The following GNPTAB variants were observed in gnomAD, a reference collection of about 807,000 sequenced individuals.
GNPTAB encodes the protein N-acetylglucosamine-1-phosphotransferase subunits alpha/beta.
GNPTAB carries 92 observed loss-of-function variants against 136.6 expected under a neutral mutation model. The observed-to-expected ratio is 0.67, with a 90% confidence interval of 0.57 to 0.80. GNPTAB has a LOEUF of 0.80. Ranked by LOEUF, GNPTAB falls within the 30% of genes least tolerant of loss-of-function variation. The probability of loss-of-function intolerance (pLI) is 0.00; values close to 1 mark genes in which losing one functional copy is unlikely to be tolerated. For synonymous variants in GNPTAB, 512 were observed against 535.1 expected, an observed-to-expected ratio of 0.96 and a Z score of 0.60; for missense variants, 1,343 against 1,501.8, an observed-to-expected ratio of 0.89 and a Z score of 1.75.
At chr12:101,774,869 G>C (rs1953236757) in intron 7 of GNPTAB, among the ~76,000 whole-genome samples, 2 of 152,240 alleles carry the variant, frequency 1.3e-5, no homozygotes, top group Non-Finnish European at 2.9e-5. Context: ...GAGTGCAAAA[G>C]AGAAGGTATC....
At chr12:101,808,368 G>A (rs954555407) in intron 1 of GNPTAB, among the ~76,000 whole-genome samples, 25 of 144,440 alleles carry the variant, frequency 1.7e-4, no homozygotes, top group Admixed American at 3.5e-4. Context: ...AGACCAGCCC[G>A]GGCAATTAAA....
intron 5 of GNPTAB, among the ~76,000 whole-genome samples, chr12:101,784,580 TTTA>T (rs1347844726): frequency 3.3e-5 from 5 of 152,182 alleles, no homozygotes; most frequent in Non-Finnish European, 7.4e-5. Context: ...TGAGATGGAC[TTTA>T]CATAGACAGA....
chr12:101,774,918 T>C (rs1953237433), intron 7 of GNPTAB, among the ~76,000 whole-genome samples: 1 of 152,240 alleles, frequency 6.6e-6, no homozygotes, highest in South Asian at 2.1e-4. Context: ...AGATAAGCCT[T>C]AGTTAAAAAT....
In GNPTAB at chr12:101,761,897, C is replaced by T. The variant is rs531295496; in HGVS notation, c.2716-134G>A. On this transcript the variant is annotated intron_variant, in intron 13 of 20. Transcript: ENST00000299314. ...TAGGAGCAAATGAAATACATGTTAA[C>T]GGGTCACTTTAAGGATCTAAACTGG... 62 of 726,398 alleles carry T rather than the reference C, an allele frequency of 8.5e-5. No individual in the cohort carries two copies. The African/African-American group carries it at 8.7e-4, about 10-fold the overall frequency. 45.0% of individuals were successfully genotyped at this position (726,398 alleles called of 1,614,324 possible). A position where few individuals can be genotyped will look rare whatever the true frequency, so the allele number is the denominator to read the frequency against.
rs762129410 is a variant in GNPTAB, at chr12:101,765,138, G to C, written c.1779C>G (p.Asn593Lys). Residue 593 changes from asparagine to lysine, a missense_variant, in exon 13 of 21, where the codon AAC becomes AAG. Physicochemically the swap from Asn to Lys is moderately conservative, Grantham distance 94 (BLOSUM62 0). Transcript: ENST00000299314. ...TTATGAGGTGGATGGTTTTCCACTT[G>C]TTGGCAATAGAAGCATGTCGAATTA... ...NPIIRHASIA[N>K]KWKTIHLIMH... 2 of 1,614,024 alleles carry C rather than the reference G, an allele frequency of 1.2e-6. No individual in the cohort carries two copies. Among genetic ancestry groups the C allele is most frequent in the East Asian group, 2.2e-5 (1 of 44,898 alleles).
At chr12:101,759,645 GGAGT>G (rs1325929075) in intron 16 of GNPTAB, among the ~76,000 whole-genome samples, 2 of 152,098 alleles carry the variant, frequency 1.3e-5, no homozygotes, top group African/African-American at 4.8e-5. Flanking sequence ...CTGGTAAAAT[GGAGT>G]AAGTGCCAGC....
chr12:101,749,747 T>C (rs1952788202), intron 19 of GNPTAB, among the ~76,000 whole-genome samples: 2 of 151,940 alleles, frequency 1.3e-5, no homozygotes, highest in Admixed American at 1.3e-4. Flanking sequence ...AGCATATGGA[T>C]GAGAAAGAGA....
chr12:101,748,359 T>C (rs576257869), intron 20 of GNPTAB, among the ~76,000 whole-genome samples: 2 of 152,346 alleles, frequency 1.3e-5, no homozygotes, highest in South Asian at 4.1e-4. Context: ...CTCCACTCAA[T>C]AGTCACCTTG....
At chr12:101,825,984 A>G (rs537643781) in intron 1 of GNPTAB, among the ~76,000 whole-genome samples, 1 of 152,330 alleles carries the variant, frequency 6.6e-6, no homozygotes, top group Non-Finnish European at 1.5e-5. Context: ...TTTCTAACTC[A>G]TCTGTTTGTT....
At chr12:101,829,885 A>G (rs1171459400) in intron 1 of GNPTAB, among the ~76,000 whole-genome samples, 1 of 152,022 alleles carries the variant, frequency 6.6e-6, no homozygotes, top group Admixed American at 6.6e-5. Flanking sequence ...GTATTTACAG[A>G]CAGCACCTTC....
intron 19 of GNPTAB, among the ~76,000 whole-genome samples, chr12:101,749,819 T>A (rs1330852785): frequency 1.3e-5 from 2 of 152,152 alleles, no homozygotes; most frequent in Admixed American, 1.3e-4. Flanking sequence ...AGTGAATCCA[T>A]GCGGCAGCAT....
intron 1 of GNPTAB, among the ~76,000 whole-genome samples, chr12:101,807,437 G>A (rs903683724): frequency 6.6e-6 from 1 of 151,952 alleles, no homozygotes; most frequent in Non-Finnish European, 1.5e-5. Flanking sequence ...CCTAGCTGAT[G>A]CAGTAAGACA....
intron 1 of GNPTAB, among the ~76,000 whole-genome samples, chr12:101,808,744 C>T (rs767995919): frequency 6.6e-6 from 1 of 152,072 alleles, no homozygotes; most frequent in Non-Finnish European, 1.5e-5. Flanking sequence ...GTCGGGAGTT[C>T]GAGACCAGCC....
At chr12:101,794,641 T>C (rs17032014) in intron 2 of GNPTAB, among the ~76,000 whole-genome samples, 13,722 of 152,290 alleles carry the variant, frequency 0.09, 678 homozygotes, top group Middle Eastern at 0.18. Context: ...AAATTTTGAA[T>C]ATATGCCTAC....
chr12:101,765,054 G>A lies in GNPTAB; in HGVS notation c.1863C>T (p.Asn621=), dbSNP rs758930596. Residue 621 remains asparagine (N), a synonymous_variant, in exon 13 of 21, where the codon AAC becomes AAT. Coordinates refer to ENST00000299314, the MANE Select transcript of GNPTAB (RefSeq NM_024312.5). ...IHFNLTFQNT[N]DEEFKMQITV... is the part of the protein sequence containing the mutation. ...TTATCTGCATTTTGAACTCTTCATC[G>A]TTTGTATTTTGAAACGTGAGATTAA... 9 of 1,614,000 alleles carry A rather than the reference G, an allele frequency of 5.6e-6. No individual in the cohort carries two copies. The highest frequency in any genetic ancestry group is 1.3e-5 in the African/African-American group (1 of 75,030).
At chr12:101,809,173 G>A (rs1296869113) in intron 1 of GNPTAB, among the ~76,000 whole-genome samples, 1 of 152,132 alleles carries the variant, frequency 6.6e-6, no homozygotes, top group Non-Finnish European at 1.5e-5. Context: ...TGGTAAACAA[G>A]TATATAAAAT....
chr12:101,783,549 A>C (rs1868463567), intron 5 of GNPTAB, among the ~76,000 whole-genome samples: 1 of 152,142 alleles, frequency 6.6e-6, no homozygotes, highest in South Asian at 2.1e-4. Context: ...GTTTGCTATA[A>C]ATCAAAAAGT....
At chr12:101,819,124 G>A (rs1870670526) in intron 1 of GNPTAB, among the ~76,000 whole-genome samples, 1 of 151,626 alleles carries the variant, frequency 6.6e-6, no homozygotes, top group South Asian at 2.1e-4. Context: ...CAATTCTCCT[G>A]CCTCAGCCTC....
chr12:101,751,677 T>TC (rs1346038057), intron 19 of GNPTAB, among the ~76,000 whole-genome samples: 1 of 152,218 alleles, frequency 6.6e-6, no homozygotes, highest in African/African-American at 2.4e-5. Flanking sequence ...ATTACTATGT[T>TC]CTCATCTGCA....
Sources: allele counts gnomAD v4.1 joint callset (sites outside exome capture counted in the v4.1 genomes callset), GRCh38; gene constraint gnomAD v4.1.1; transcripts MANE v1.5; gene names NCBI Gene and HGNC (gene_info 2026-07-23, HGNC 2026-07-21).